Variants in ELOA observed in about 807,000 individuals in gnomAD.
ELOA encodes the protein elongin-A.
A neutral mutation model predicts 85.2 loss-of-function variants in ELOA; 15 were observed. The observed-to-expected ratio is 0.18, with a 90% CI of 0.12 to 0.27. ELOA has a LOEUF of 0.27. ELOA is among the 10% of genes least tolerant of loss of function. The pLI, the probability that ELOA is intolerant of heterozygous loss-of-function variation, is 1.00. For missense variants in ELOA, 769 were observed against 952.7 expected (o/e 0.81, Z 2.54); for synonymous variants, 348 against 357.2 (o/e 0.97, Z 0.29).
At chr1:23,743,957 T>G in intron 1 of ELOA, 1 of 166,896 alleles carries the variant, frequency 6.0e-6, no homozygotes, top group Admixed American at 6.4e-5. Flanking sequence ...GTGCCTGCGC[T>G]GGTGCCCGGC....
At chr1:23,747,469 C>T (rs954168592) in intron 1 of ELOA, among the ~76,000 whole-genome samples, 2 of 152,158 alleles carry the variant, frequency 1.3e-5, no homozygotes, top group African/African-American at 4.8e-5. Flanking sequence ...CGTGTAAGAG[C>T]TTAGTGTAGT....
At chr1:23,759,004 G>A (rs1464957961) in intron 10 of ELOA, among the ~76,000 whole-genome samples, 1 of 152,044 alleles carries the variant, frequency 6.6e-6, no homozygotes. Context: ...CCAGGAGATC[G>A]AGACCAGCCT....
chr1:23,759,440 G>A, intron 10 of ELOA, 72 bp from the exon 11 acceptor site: 1 of 1,491,170 alleles, frequency 6.7e-7, no homozygotes, highest in Non-Finnish European at 9.4e-7. Context: ...AGCTGGCTTT[G>A]ACTGTAAACT....
chr1:23,754,386 C>A lies in ELOA; in HGVS notation c.1717C>A (p.Pro573Thr), dbSNP rs1169614777. Residue 573 changes from proline to threonine, a missense_variant, in exon 7 of 11, where the codon CCA becomes ACA. Around this residue, in one of 4 missense-constraint regions of ELOA, gnomAD observed 193 missense variants for 278.9 expected, o/e 0.69. Transcript: ENST00000613537. ...AGCAATCTTTGAAGTGGGAGGAGTCCCATACTCTGTTCTTGAACCCGTTTT... is the reference window on the plus strand; with the variant it reads ...AGCAATCTTTGAAGTGGGAGGAGTCACATACTCTGTTCTTGAACCCGTTTT... ...IDSIFEVGGV[P>T]YSVLEPVLER... 6.2e-7 allele frequency: 1 copy of A among 1,614,122 alleles called. No individual in the cohort carries two copies. The highest frequency in any genetic ancestry group is 2.2e-5 in the East Asian group (1 of 44,884).
At position 23,756,222 on chromosome 1, in the gene ELOA, A is replaced by G. The variant is rs1472134035; in HGVS notation, c.1973-52A>G. On this transcript the variant is annotated intron_variant, in intron 8 of 10. Coordinates refer to ENST00000613537, the MANE Select transcript of ELOA (RefSeq NM_003198.3). ...AAAAAGCCCGTGGATTATTTAAATA[A>G]CAGTAGCATCTCTGCTCAAGAAGGC... The G allele has an allele frequency of 2.7e-6, 4 of 1,500,614 alleles. No individual in the cohort carries two copies. The African/African-American group carries it at 4.2e-5, about 16-fold the overall frequency. 93.0% of individuals were successfully genotyped at this position (1,500,614 alleles called of 1,614,324 possible).
At position 23,749,961 on chromosome 1, in the gene ELOA, C is replaced by T; in HGVS notation, c.239+13C>T. On this transcript the variant is annotated intron_variant, in intron 3 of 10. Transcript: ENST00000613537. ...TTCCTGTGGAACGGTAAGAACATTT[C>T]TCTTTAGGTTTGTTCAATTTCATGG... is the stretch of plus-strand genomic sequence containing the variant. The T allele has an allele frequency of 1.2e-6, 2 of 1,603,966 alleles. No individual in the cohort carries two copies. Among genetic ancestry groups the T allele is most frequent in the Non-Finnish European group, 1.7e-6 (2 of 1,172,786 alleles).
intron 1 of ELOA, 68 bp downstream of exon 1, chr1:23,743,646 C>A: frequency 7.2e-7 from 1 of 1,389,354 alleles, no homozygotes; most frequent in Non-Finnish European, 9.3e-7. Context: ...CGGTCGCGGC[C>A]CGAGCGTGGC....
At chr1:23,758,053 T>C (rs1239805698) in intron 10 of ELOA, among the ~76,000 whole-genome samples, 1 of 151,342 alleles carries the variant, frequency 6.6e-6, no homozygotes, top group East Asian at 2.0e-4. Flanking sequence ...AATAAATAAA[T>C]AAATATCATT....
intron 3 of ELOA, among the ~76,000 whole-genome samples, chr1:23,750,636 C>T (rs1045967244): frequency 6.6e-6 from 1 of 152,150 alleles, no homozygotes; most frequent in Non-Finnish European, 1.5e-5. Flanking sequence ...TTGATCTTTG[C>T]ATCTTGTGGT....
chr1:23,758,296 CAG>C (rs1638240996), intron 10 of ELOA, among the ~76,000 whole-genome samples: 1 of 53,898 alleles, frequency 1.9e-5, no homozygotes, highest in African/African-American at 6.3e-5. Context: ...TTTTTGGAGA[CAG>C]AGTCTCACTC....
chr1:23,744,873 C>T (rs539787791), intron 1 of ELOA, among the ~76,000 whole-genome samples: 2 of 152,286 alleles, frequency 1.3e-5, no homozygotes, highest in South Asian at 4.1e-4. Flanking sequence ...CCTGCTGCTT[C>T]CTAGGACTAA....
At chr1:23,752,332 C>T in intron 4 of ELOA, 75 bp from the exon 5 acceptor site, 2 of 1,431,752 alleles carry the variant, frequency 1.4e-6, no homozygotes, top group Non-Finnish European at 1.9e-6. Flanking sequence ...AGTTAATGCT[C>T]CCGGGAATAG....
At chr1:23,750,086 AT>A in intron 3 of ELOA, 138 bp downstream of exon 3, 1 of 558,860 alleles carries the variant, frequency 1.8e-6, no homozygotes, top group East Asian at 3.2e-5. Context: ...TCATTGTAGA[AT>A]ATTAGAAAAT....
At chr1:23,746,838 T>G (rs890928325) in intron 1 of ELOA, among the ~76,000 whole-genome samples, 1 of 152,224 alleles carries the variant, frequency 6.6e-6, no homozygotes, top group African/African-American at 2.4e-5. Flanking sequence ...GTATCTTGTT[T>G]GATAACAGCA....
intron 5 of ELOA, among the ~76,000 whole-genome samples, 179 bp downstream of exon 5, chr1:23,752,697 C>T (rs965648273): frequency 2.0e-4 from 30 of 151,962 alleles, no homozygotes; most frequent in Non-Finnish European, 8.8e-5. Context: ...AATCCCAGCA[C>T]TTTGGGAGGC....
intron 10 of ELOA, among the ~76,000 whole-genome samples, chr1:23,759,082 C>G (rs766451788): frequency 6.6e-6 from 1 of 152,198 alleles, no homozygotes; most frequent in Non-Finnish European, 1.5e-5. Flanking sequence ...GTGGCACACT[C>G]CTGTAGTCTC....
At position 23,761,674 on chromosome 1, in the gene ELOA, C is replaced by T. The variant is rs1016858236; in HGVS notation, c.*2101C>T. ...GAGGAAAAACCCAATTTCTAAATGA[C>T]CTCCTTGCCCAGCTTACTAAAATGG... is the stretch of plus-strand genomic sequence containing the variant. On this transcript the variant is annotated 3_prime_UTR_variant, in exon 11 of 11. Transcript: ENST00000613537. 5.3e-5 allele frequency: 8 copies of T among 152,134 alleles called. No individual in the cohort carries two copies. The highest frequency in any genetic ancestry group is 1.9e-4 in the African/African-American group (8 of 41,424). The allele number at this position is 152,134 out of a possible 1,614,324, so 9.4% of individuals were successfully genotyped here. A position where few individuals can be genotyped will look rare whatever the true frequency, so the allele number is the denominator to read the frequency against.
rs1252736392 is a variant in ELOA, at chr1:23,761,778, G to T, written c.*2205G>T. On this transcript the variant is annotated 3_prime_UTR_variant, in exon 11 of 11. Transcript: ENST00000613537. Reference sequence around the variant, plus strand: ...TTTGGTCTCATTTATGGAAAAACTTGTGCAATTTTTTTTCTGTGCTACACT... The same window carrying T: ...TTTGGTCTCATTTATGGAAAAACTTTTGCAATTTTTTTTCTGTGCTACACT... 6.6e-6 allele frequency: 1 copy of T among 152,264 alleles called. No homozygotes were observed. The highest frequency in any genetic ancestry group is 1.9e-4 in the East Asian group (1 of 5,190). The allele number at this position is 152,264 out of a possible 1,614,324, so 9.4% of individuals were successfully genotyped here.
In ELOA at chr1:23,743,481, A is replaced by C. The variant is rs1336406216; in HGVS notation, c.-23A>C. 6.7e-7 allele frequency: 1 copy of C among 1,502,616 alleles called. No homozygotes were observed. Among genetic ancestry groups the C allele is most frequent in the African/African-American group, 1.4e-5 (1 of 69,080 alleles). 93.1% of individuals were successfully genotyped at this position (1,502,616 alleles called of 1,614,324 possible). A position where few individuals can be genotyped will look rare whatever the true frequency, so the allele number is the denominator to read the frequency against. Reference sequence around the variant, plus strand: ...ACGCGACGCGAGCCCAGTTCCGGCGAGGAGGCCGCGCCAGTGACAGCGATG... The same window carrying C: ...ACGCGACGCGAGCCCAGTTCCGGCGCGGAGGCCGCGCCAGTGACAGCGATG... On this transcript the variant is annotated 5_prime_UTR_variant, in exon 1 of 11. Coordinates refer to ENST00000613537, the MANE Select transcript of ELOA (RefSeq NM_003198.3).
Sources: gnomAD v4.1 joint callset for allele counts (sites outside exome capture counted in the v4.1 genomes callset) on GRCh38, gnomAD v4.1.1 for gene constraint, gnomAD v4.1.1 regional missense constraint, MANE v1.5 for transcripts, NCBI Gene and HGNC (gene_info 2026-07-23, HGNC 2026-07-21) for gene names.